Variants in ZFHX3 observed in about 807,000 individuals in gnomAD.
ZFHX3 encodes zinc finger homeobox protein 3.
In ZFHX3, 42 loss-of-function variants were observed where a neutral mutation model predicts 279.1. That is an observed-to-expected ratio of 0.15 (90% CI 0.12 to 0.19). ZFHX3 has a LOEUF of 0.19. Ranked by LOEUF, ZFHX3 falls within the 10% of genes least tolerant of loss-of-function variation. The probability of loss-of-function intolerance (pLI) is 1.00; values close to 1 mark genes in which losing one functional copy is unlikely to be tolerated. For missense variants in ZFHX3, 4,981 were observed against 4,754.0 expected (o/e 1.05, Z -1.40); for synonymous variants, 2,293 against 1,957.8 (o/e 1.17, Z -4.52).
intron 4 of ZFHX3, among the ~76,000 whole-genome samples, chr16:72,854,841 A>G (rs1309325959): frequency 6.7e-6 from 1 of 149,462 alleles, no homozygotes; most frequent in Non-Finnish European, 1.5e-5. Flanking sequence ...ACCTCCCAGC[A>G]GTGCGCACTC....
intron 2 of ZFHX3, among the ~76,000 whole-genome samples, chr16:73,478,366 C>T (rs190168120): frequency 9.9e-5 from 15 of 151,966 alleles, no homozygotes; most frequent in East Asian, 3.9e-4. Flanking sequence ...AAGTCTGATG[C>T]TCTACCAACT....
chr16:72,950,909 C>T lies in ZFHX3; in HGVS notation c.2776G>A (p.Glu926Lys). The T allele has an allele frequency of 2.5e-6, 4 of 1,614,082 alleles. No individual in the cohort carries two copies. Among genetic ancestry groups the T allele is most frequent in the Non-Finnish European group, 3.4e-6 (4 of 1,180,048 alleles). ...AAGCTCTCGCCCAGGTTCATCAGCT[C>T]CTCTGACACCAGCTGCCCGCCCCCG... ...RLGGGQLVSE[E>K]LMNLGESFIQ... Residue 926 changes from glutamate to lysine, a missense_variant, in exon 3 of 10, where the codon GAG becomes AAG. This residue lies in a region of ZFHX3 where 1,751 missense variants were observed against 1,770.0 expected (regional missense o/e 0.99). Coordinates refer to ENST00000268489, the MANE Select transcript of ZFHX3 (RefSeq NM_006885.4).
chr16:72,829,689 T>C (rs752464811), intron 5 of ZFHX3, 90 bp downstream of exon 5: 492 of 1,445,976 alleles, frequency 3.4e-4, no homozygotes, highest in Non-Finnish European at 4.4e-4. Context: ...CTCCCTGACT[T>C]GTTAGCTCCA....
At chr16:73,884,676 C>T (rs932537193) in intron 1 of ZFHX3, among the ~76,000 whole-genome samples, 38 of 152,066 alleles carry the variant, frequency 2.5e-4, no homozygotes, top group African/African-American at 7.7e-4. Context: ...ACAGACATTC[C>T]GAAATGCCTT....
At chr16:73,557,407 C>T (rs907181835) in intron 2 of ZFHX3, among the ~76,000 whole-genome samples, 9 of 152,000 alleles carry the variant, frequency 5.9e-5, no homozygotes, top group Admixed American at 4.6e-4. Flanking sequence ...AGGGCGAGTT[C>T]GTAAAGTGAA....
In ZFHX3 at chr16:73,614,461, T is replaced by C. The variant is rs189122831; in HGVS notation, c.-1547+65719A>G. Among the ~76,000 whole-genome samples the C allele has an allele frequency of 5.3e-5, 8 of 152,320 alleles. No individual in the cohort carries two copies. The East Asian group carries it at 1.5e-3, about 29-fold the overall frequency. ...TACCATTTGGTCCCCTTTTTTCTCC[T>C]TTTTTATCTTGAGTAAAAGCTTAAA... is the stretch of plus-strand genomic sequence containing the variant. On this transcript the variant is annotated intron_variant, in intron 2 of 17. Coordinates refer to the ZFHX3 transcript ENST00000641206.
chr16:73,803,172 C>A (rs187064687), intron 1 of ZFHX3, among the ~76,000 whole-genome samples: 1 of 152,254 alleles, frequency 6.6e-6, no homozygotes, highest in Non-Finnish European at 1.5e-5. Flanking sequence ...AGAAAACAGG[C>A]AAAGATACGA....
intron 4 of ZFHX3, among the ~76,000 whole-genome samples, chr16:73,275,394 C>A (rs1441948330): frequency 6.6e-6 from 1 of 151,172 alleles, no homozygotes; most frequent in African/African-American, 2.5e-5. Context: ...CATCACTTGA[C>A]GAAGCTTCGG....
At chr16:73,786,077 G>T (rs925408334) in intron 1 of ZFHX3, among the ~76,000 whole-genome samples, 3 of 151,960 alleles carry the variant, frequency 2.0e-5, no homozygotes, top group African/African-American at 7.3e-5. Context: ...CTCCATATTG[G>T]TCAGGCTGGT....
intron 4 of ZFHX3, among the ~76,000 whole-genome samples, chr16:73,304,056 G>C (rs2015122781): frequency 6.6e-6 from 1 of 151,096 alleles, no homozygotes; most frequent in Non-Finnish European, 1.5e-5. Flanking sequence ...CCTTGGTCCT[G>C]CATAGATGTC....
At chr16:73,124,059 T>A (rs1966530940) in intron 7 of ZFHX3, among the ~76,000 whole-genome samples, 2 of 152,168 alleles carry the variant, frequency 1.3e-5, no homozygotes, top group South Asian at 4.1e-4. Flanking sequence ...ACCAACCAAC[T>A]AATACAGTTT....
chr16:73,888,287 A>T (rs1482479075), intron 1 of ZFHX3, among the ~76,000 whole-genome samples: 1 of 151,980 alleles, frequency 6.6e-6, no homozygotes, highest in Non-Finnish European at 1.5e-5. Context: ...TTCATTCATT[A>T]TCCTTTTTCC....
intron 4 of ZFHX3, among the ~76,000 whole-genome samples, chr16:73,287,632 ATTGGTGTG>A (rs2014656826): frequency 2.8e-5 from 1 of 35,360 alleles, no homozygotes; most frequent in Admixed American, 2.9e-4. Context: ...GGCTGTGTGG[ATTGGTGTG>A]TGGCTGTGTG....
intron 4 of ZFHX3, among the ~76,000 whole-genome samples, chr16:72,884,025 A>G (rs2038561835): frequency 6.8e-6 from 1 of 147,530 alleles, no homozygotes; most frequent in East Asian, 1.9e-4. Context: ...GCTATTTACA[A>G]AAAAAAAAAA....
rs1341364777 is a variant in ZFHX3 at position 72,788,338 on chromosome 16, G to C, written c.9938C>G (p.Pro3313Arg). The change falls in exon 10 of 10, where the codon CCA (proline) becomes CGA (arginine). Residue 3313 changes from proline to arginine, a missense_variant. Physicochemically the swap from Pro to Arg is moderately radical, Grantham distance 103. Around this residue, in one of 7 missense-constraint regions of ZFHX3, gnomAD observed 1,034 missense variants for 786.0 expected, o/e 1.32. Coordinates refer to ENST00000268489, the MANE Select transcript of ZFHX3 (RefSeq NM_006885.4). ...LTSQFLPYFV[P>R]GFSPYYAPQI... ...GGGAGCATAATAAGGAGAAAAGCCTGGTACAAAGTAAGGAAGGAACTGGCT... is the reference window on the plus strand; with the variant it reads ...GGGAGCATAATAAGGAGAAAAGCCTCGTACAAAGTAAGGAAGGAACTGGCT... The C allele has an allele frequency of 2.5e-6, 4 of 1,614,064 alleles. No homozygotes were observed. The highest frequency in any genetic ancestry group is 2.7e-5 in the African/African-American group (2 of 74,924).
At chr16:73,323,495 T>A (rs190490921) in intron 3 of ZFHX3, among the ~76,000 whole-genome samples, 4 of 152,018 alleles carry the variant, frequency 2.6e-5, no homozygotes, top group East Asian at 1.9e-4. Flanking sequence ...GTGTGGAAGA[T>A]AAAGGAATCG....
chr16:73,288,427 T>C (rs1242902327), intron 4 of ZFHX3, among the ~76,000 whole-genome samples: 3 of 151,938 alleles, frequency 2.0e-5, no homozygotes, highest in Non-Finnish European at 2.9e-5. Flanking sequence ...ACTTACAAAA[T>C]GGAAGGGACG....
intron 1 of ZFHX3, among the ~76,000 whole-genome samples, chr16:73,823,756 C>T (rs1418924338): frequency 6.6e-6 from 1 of 152,106 alleles, no homozygotes; most frequent in Non-Finnish European, 1.5e-5. Context: ...GACTCCTAGT[C>T]TAAAAGGATA....
At chr16:72,839,199 C>T (rs1227067870) in intron 4 of ZFHX3, among the ~76,000 whole-genome samples, 2 of 151,880 alleles carry the variant, frequency 1.3e-5, no homozygotes, top group Admixed American at 1.3e-4. Flanking sequence ...CTCCCTTCCC[C>T]CCCCCATTTT....
Sources: gnomAD v4.1 joint callset for allele counts (sites outside exome capture counted in the v4.1 genomes callset) on GRCh38, gnomAD v4.1.1 for gene constraint, gnomAD v4.1.1 regional missense constraint, MANE v1.5 for transcripts, NCBI Gene and HGNC (gene_info 2026-07-23, HGNC 2026-07-21) for gene names.